NSUN7: variants seen among roughly 807,000 people sequenced by gnomAD.
NSUN7 encodes the protein NOP2/Sun RNA methyltransferase family member 7, also known as protein NSUN7.
In NSUN7, 39 loss-of-function variants were observed where a neutral mutation model predicts 58.5. The observed-to-expected ratio is 0.67, with a 90% CI of 0.52 to 0.87. NSUN7 has a LOEUF of 0.87. Ranked by LOEUF, NSUN7 falls within the 40% of genes least tolerant of loss-of-function variation. The pLI is 0.00. For synonymous variants in NSUN7, 278 were observed against 303.7 expected, an observed-to-expected ratio of 0.92 and a Z score of 0.88; for missense variants, 765 against 844.1, an observed-to-expected ratio of 0.91 and a Z score of 1.16.
At chr4:40,793,451 G>A (rs1433990695) in intron 8 of NSUN7, among the ~76,000 whole-genome samples, 1 of 151,862 alleles carries the variant, frequency 6.6e-6, no homozygotes, top group East Asian at 1.9e-4. Flanking sequence ...CAAAAAAACA[G>A]CAACAACAAC....
intron 4 of NSUN7, among the ~76,000 whole-genome samples, chr4:40,767,400 A>T (rs186024043): frequency 2.0e-5 from 3 of 152,276 alleles, no homozygotes; most frequent in African/African-American, 7.2e-5. Context: ...GTTTTGAGTG[A>T]GTTTCTTAAT....
chr4:40,767,325 T>C (rs1394278614), intron 4 of NSUN7, among the ~76,000 whole-genome samples: 3 of 152,250 alleles, frequency 2.0e-5, no homozygotes, highest in Admixed American at 6.5e-5. Context: ...TATTTCTGCC[T>C]TCATTTCGTT....
At chr4:40,783,429 C>T (rs1247327342) in intron 7 of NSUN7, among the ~76,000 whole-genome samples, 1 of 152,098 alleles carries the variant, frequency 6.6e-6, no homozygotes, top group East Asian at 1.9e-4. Context: ...GGTAAGTTTT[C>T]ATGAGCTTGG....
intron 4 of NSUN7, chr4:40,762,642 C>T (rs1411956388): frequency 6.6e-6 from 1 of 152,178 alleles, no homozygotes; most frequent in Non-Finnish European, 1.5e-5. Context: ...AGCAGGGGTC[C>T]CCAACCCCAG....
At chr4:40,799,287 G>A (rs573737154) in intron 10 of NSUN7, among the ~76,000 whole-genome samples, 10 of 151,608 alleles carry the variant, frequency 6.6e-5, no homozygotes, top group East Asian at 5.8e-4. Flanking sequence ...GGGTTTTACC[G>A]TATTGGCCAG....
At chr4:40,780,727 C>T (rs1298500149) in intron 7 of NSUN7, among the ~76,000 whole-genome samples, 1 of 142,754 alleles carries the variant, frequency 7.0e-6, no homozygotes, top group Non-Finnish European at 1.5e-5. Context: ...ATACATATGA[C>T]ATTAAAATAT....
Position 40,808,698 on chromosome 4 carries a change from C to T in NSUN7, c.1916C>T (p.Pro639Leu). The T allele has an allele frequency of 1.3e-6, 2 of 1,551,434 alleles. No homozygotes were observed. The highest frequency in any genetic ancestry group is 1.7e-6 in the Non-Finnish European group (2 of 1,146,982). ...CAGACACACTTCTTAAGACCTCGGC[C>T]AGAAGACAGAATGGTTGCTCTGAAA... ...ERQTHFLRPR[P>L]EDRMVALKPI... The change falls in exon 12 of 12, where the codon CCA becomes CTA. Residue 639 changes from proline (P) to leucine (L), a missense_variant. By Grantham distance (98) the Pro-to-Leu change is moderately conservative. Coordinates refer to ENST00000381782, the MANE Select transcript of NSUN7 (RefSeq NM_024677.6).
At chr4:40,803,888 A>G (rs922530076) in intron 10 of NSUN7, among the ~76,000 whole-genome samples, 1 of 152,128 alleles carries the variant, frequency 6.6e-6, no homozygotes, top group Non-Finnish European at 1.5e-5. Context: ...TGGGCAACAT[A>G]GAGAGACCCC....
In NSUN7 at chr4:40,774,782, T is replaced by C; in HGVS notation, c.657T>C (p.Tyr219=). The C allele has an allele frequency of 6.5e-7, 1 of 1,529,240 alleles. No individual in the cohort carries two copies. The highest frequency in any genetic ancestry group is 8.9e-7 in the Non-Finnish European group (1 of 1,121,462). 94.7% of individuals were successfully genotyped at this position (1,529,240 alleles called of 1,614,324 possible). A position where few individuals can be genotyped will look rare whatever the true frequency, so the allele number is the denominator to read the frequency against. The change falls in exon 6 of 12, where the codon TAT becomes TAC. Residue 219 remains tyrosine, a synonymous_variant. Transcript: ENST00000381782. ...NTCKISPEEV[Y]NNLKRRGYNK... ...ATATTTACAGCCCTGAAGAAGTTTA[T>C]AATAATTTGAAGAGAAGAGGCTATA...
chr4:40,790,253 C>T lies in NSUN7; in HGVS notation c.1037-349C>T, dbSNP rs577252005. 4.6e-5 allele frequency among the ~76,000 whole-genome samples: 7 copies of T among 152,234 alleles called. No individual in the cohort carries two copies. The South Asian group carries it at 8.3e-4, about 18-fold the overall frequency. On this transcript the variant is annotated intron_variant, in intron 7 of 11. Coordinates refer to ENST00000381782, the MANE Select transcript of NSUN7 (RefSeq NM_024677.6). ...TTTTATGAAGAAGGAAATGGAGGCT[C>T]AGGGAGATTAAAATGCACAGCTAGT...
At position 40,761,216 on chromosome 4, in the gene NSUN7, C is replaced by A; in HGVS notation, c.403C>A (p.Gln135Lys). 1 of 1,582,334 alleles carries A rather than the reference C, an allele frequency of 6.3e-7. No homozygotes were observed. The highest frequency in any genetic ancestry group is 2.0e-5 in the Admixed American group (1 of 50,630). Residue 135 changes from glutamine to lysine, a missense_variant, in exon 4 of 12, where the codon CAA becomes AAA. Physicochemically the swap from Gln to Lys is moderately conservative, Grantham distance 53. Transcript: ENST00000381782. ...TATTATTGTGATGCTATATGATTTCCAAGATAGAAAATTTCAAACTCGTGT... is the reference window on the plus strand; with the variant it reads ...TATTATTGTGATGCTATATGATTTCAAAGATAGAAAATTTCAAACTCGTGT... ...SLIIVMLYDF[Q>K]DRKFQTRVLS...
chr4:40,786,718 C>T (rs1742840906), intron 7 of NSUN7: 7 of 1,560,768 alleles, frequency 4.5e-6, no homozygotes, highest in Admixed American at 2.0e-5. Flanking sequence ...AGATGAATAT[C>T]AATACCTATT....
intron 4 of NSUN7, among the ~76,000 whole-genome samples, chr4:40,761,988 T>C (rs985721931): frequency 6.6e-6 from 1 of 152,156 alleles, no homozygotes; most frequent in Non-Finnish European, 1.5e-5. Flanking sequence ...ATGTTGGGAG[T>C]TGGGGCCTAA....
In NSUN7 at chr4:40,774,797, A is replaced by G. The variant is rs768551625; in HGVS notation, c.672A>G (p.Arg224=). Reference sequence around the variant, plus strand: ...AAGAAGTTTATAATAATTTGAAGAGAAGAGGCTATAATAAAGTCAAATCTG... The same window carrying G: ...AAGAAGTTTATAATAATTTGAAGAGGAGAGGCTATAATAAAGTCAAATCTG... ...SPEEVYNNLK[R]RGYNKVKSVL... is the part of the protein sequence containing the mutation. Residue 224 remains arginine, a synonymous_variant, in exon 6 of 12, where the codon AGA becomes AGG. Coordinates refer to ENST00000381782, the MANE Select transcript of NSUN7 (RefSeq NM_024677.6). 6.5e-7 allele frequency: 1 copy of G among 1,547,942 alleles called. No individual in the cohort carries two copies. The highest frequency in any genetic ancestry group is 8.8e-7 in the Non-Finnish European group (1 of 1,131,538).
rs186291779 is a variant in NSUN7 at position 40,772,829 on chromosome 4, C to T, written c.489-1436C>T. On this transcript the variant is annotated intron_variant, in intron 4 of 11. Transcript: ENST00000381782. Reference sequence around the variant, plus strand: ...ACCACCCACCAACCACAACTCAGATCGTATTTGACTGTTTTGTGACATCTC... The same window carrying T: ...ACCACCCACCAACCACAACTCAGATTGTATTTGACTGTTTTGTGACATCTC... 3.2e-3 allele frequency among the ~76,000 whole-genome samples: 480 copies of T among 152,296 alleles called. 1 individual carries two copies. The highest frequency in any genetic ancestry group is 5.3e-3 in the Non-Finnish European group (362 of 68,026).
intron 10 of NSUN7, among the ~76,000 whole-genome samples, chr4:40,804,343 G>A (rs1743727385): frequency 6.6e-6 from 1 of 151,984 alleles, no homozygotes; most frequent in African/African-American, 2.4e-5. Flanking sequence ...GGGAGGCTGA[G>A]GCAGGAGAAT....
Position 40,770,446 on chromosome 4 carries a change from A to G in NSUN7, c.489-3819A>G, listed in dbSNP as rs1741945433. 2.6e-5 allele frequency among the ~76,000 whole-genome samples: 4 copies of G among 152,304 alleles called. No homozygotes were observed. In the East Asian group the frequency reaches 7.7e-4, roughly 29 times the overall value. ...GAATACTGTAGGCAATTATAACACT[A>G]TGGCAAGTATTTGTGTATCTAAACC... On this transcript the variant is annotated intron_variant, in intron 4 of 11. Coordinates refer to ENST00000381782, the MANE Select transcript of NSUN7 (RefSeq NM_024677.6).
Position 40,809,831 on chromosome 4 carries a change from T to C in NSUN7, c.*892T>C, listed in dbSNP as rs1744093927. 6.6e-6 allele frequency: 1 copy of C among 152,212 alleles called. No individual in the cohort carries two copies. The highest frequency in any genetic ancestry group is 1.9e-4 in the East Asian group (1 of 5,204). 9.4% of individuals were successfully genotyped at this position (152,212 alleles called of 1,614,324 possible). A position where few individuals can be genotyped will look rare whatever the true frequency, so the allele number is the denominator to read the frequency against. ...ATCATTTCTGAGGCACAATTAAATA[T>C]ATTGTAGCACTATGTTAATTAATTA... On this transcript the variant is annotated 3_prime_UTR_variant, in exon 12 of 12. Coordinates refer to ENST00000381782, the MANE Select transcript of NSUN7 (RefSeq NM_024677.6).
rs768257043 is a variant in NSUN7, at chr4:40,776,136, TAC to T, written c.917_918del (p.Thr306SerfsTer10). The T allele has an allele frequency of 2.5e-6, 4 of 1,608,272 alleles. No homozygotes were observed. In the Admixed American group the frequency reaches 5.0e-5, roughly 20 times the overall value. ...DVLMVNTGSW[Y>X]TVSHMSILTN... Reference sequence around the variant, plus strand: ...CTTAATGGTCAATACAGGCTCATGGTACACAGTTTCCCACATGTCAATTTTAA... The same window carrying T: ...CTTAATGGTCAATACAGGCTCATGGTACAGTTTCCCACATGTCAATTTTAA... On this transcript the variant is annotated frameshift_variant, in exon 7 of 12. Coordinates refer to ENST00000381782, the MANE Select transcript of NSUN7 (RefSeq NM_024677.6). LOFTEE classifies it high-confidence loss of function.
Sources: allele counts gnomAD v4.1 joint callset (sites outside exome capture counted in the v4.1 genomes callset), GRCh38; gene constraint gnomAD v4.1.1; transcripts MANE v1.5; gene names NCBI Gene and HGNC (gene_info 2026-07-23, HGNC 2026-07-21).